The following ABCC4 variants were observed in gnomAD, a reference collection of about 807,000 sequenced individuals.
ABCC4 encodes the protein ATP-binding cassette sub-family C member 4.
In ABCC4, 102 loss-of-function variants were observed where a neutral mutation model predicts 168.5. The observed-to-expected ratio is 0.61, with a 90% CI of 0.52 to 0.71. ABCC4 has a LOEUF of 0.71. Among genes scored for constraint, ABCC4 ranks in the 30% least tolerant of loss-of-function variants. The pLI is 0.00. For synonymous variants in ABCC4, 617 were observed against 590.7 expected (o/e 1.04, Z -0.65); for missense variants, 1,402 against 1,605.8 (o/e 0.87, Z 2.17).
At chr13:95,281,716 A>G (rs1311848209) in intron 1 of ABCC4, among the ~76,000 whole-genome samples, 2 of 152,184 alleles carry the variant, frequency 1.3e-5, no homozygotes, top group Non-Finnish European at 2.9e-5. Context: ...CCTACAAAGC[A>G]GCTCTGGAAA....
chr13:95,249,703 C>CCTT (rs1475809920), intron 1 of ABCC4, among the ~76,000 whole-genome samples: 2 of 152,134 alleles, frequency 1.3e-5, no homozygotes, highest in Non-Finnish European at 2.9e-5. Flanking sequence ...CCGAGACCTC[C>CCTT]CTTCCAGCAG....
At chr13:95,089,475 A>C (rs556340123) in intron 20 of ABCC4, among the ~76,000 whole-genome samples, 19 of 152,172 alleles carry the variant, frequency 1.2e-4, no homozygotes, top group African/African-American at 4.1e-4. Flanking sequence ...AAATTTAGCT[A>C]GGCGTGGTCA....
At chr13:95,073,076 G>A in intron 24 of ABCC4, 128 bp downstream of exon 24, 1 of 650,432 alleles carries the variant, frequency 1.5e-6, no homozygotes, top group Non-Finnish European at 2.6e-6. Context: ...GATGGAGGAA[G>A]GATCTTAAAA....
At chr13:95,041,515 T>A (rs529117750) in intron 29 of ABCC4, among the ~76,000 whole-genome samples, 75 of 152,350 alleles carry the variant, frequency 4.9e-4, no homozygotes, top group Non-Finnish European at 8.4e-4. Context: ...GTGTTGGTTA[T>A]GTCCTTCATT....
Position 95,209,511 on chromosome 13 carries a change from C to A in ABCC4, c.708G>T (p.Ser236=). Residue 236 remains serine, a synonymous_variant, in exon 6 of 31, where the codon TCG becomes TCT. Transcript: ENST00000645237. ...TALLWMEIGI[S]CLAGMAVLII... ...TTAGAACTGCCATCCCAGCAAGGCACGATATTCCTATCTCCATCCAGAGTA... is the reference window on the plus strand; with the variant it reads ...TTAGAACTGCCATCCCAGCAAGGCAAGATATTCCTATCTCCATCCAGAGTA... 6 of 1,614,204 alleles carry A rather than the reference C, an allele frequency of 3.7e-6. No individual in the cohort carries two copies. Among genetic ancestry groups the A allele is most frequent in the Non-Finnish European group, 5.1e-6 (6 of 1,180,020 alleles).
chr13:95,193,630 C>G lies in ABCC4; in HGVS notation c.1263+1206G>C, dbSNP rs75085333. Among the ~76,000 whole-genome samples, 444 of 152,320 alleles carry G rather than the reference C, an allele frequency of 2.9e-3. 15 individuals are homozygous for G. In the East Asian group the frequency reaches 0.075, roughly 26 times the overall value. The stretch of plus-strand genomic sequence containing the variant: ...TGAGACAAGTGCATTTGCAGAGGAC[C>G]CCGGACTCAGGTGAGCGTAACCGCA... On this transcript the variant is annotated intron_variant, in intron 9 of 30. Coordinates refer to ENST00000645237, the MANE Select transcript of ABCC4 (RefSeq NM_005845.5).
chr13:95,222,337 C>T (rs114579713), intron 4 of ABCC4, among the ~76,000 whole-genome samples: 10,001 of 152,280 alleles, frequency 0.066, 680 homozygotes, highest in African/African-American at 0.17. Flanking sequence ...TGTCTCCAGA[C>T]ACCAAGCATT....
chr13:95,037,086 A>AG (rs1414354051), intron 29 of ABCC4, among the ~76,000 whole-genome samples: 7 of 145,104 alleles, frequency 4.8e-5, no homozygotes, highest in Non-Finnish European at 7.4e-5. Flanking sequence ...TCTGTGTCCA[A>AG]AAAAAAAAAA....
At chr13:95,281,999 C>T (rs1448581724) in intron 1 of ABCC4, among the ~76,000 whole-genome samples, 3 of 152,018 alleles carry the variant, frequency 2.0e-5, no homozygotes, top group Non-Finnish European at 4.4e-5. Context: ...CCCAGCTACT[C>T]GTCAGGCTGA....
At chr13:95,025,247 CCACA>C (rs141043385) in intron 30 of ABCC4, among the ~76,000 whole-genome samples, 35 of 40,438 alleles carry the variant, frequency 8.7e-4, no homozygotes, top group East Asian at 7.6e-3. Flanking sequence ...ACACACACAC[CCACA>C]CACACACACA....
At chr13:95,213,688 C>T (rs2039027432) in intron 4 of ABCC4, among the ~76,000 whole-genome samples, 1 of 152,096 alleles carries the variant, frequency 6.6e-6, no homozygotes, top group Non-Finnish European at 1.5e-5. Context: ...AAAGATCTCA[C>T]CCTAGATTAA....
At chr13:95,299,385 CCTT>C (rs1330571606) in intron 1 of ABCC4, among the ~76,000 whole-genome samples, 5 of 152,172 alleles carry the variant, frequency 3.3e-5, no homozygotes, top group Non-Finnish European at 7.4e-5. Context: ...GTGCCCCTCT[CCTT>C]AAGAGAAAGG....
At chr13:95,087,165 G>A (rs554290514) in intron 20 of ABCC4, among the ~76,000 whole-genome samples, 1 of 152,214 alleles carries the variant, frequency 6.6e-6, no homozygotes, top group South Asian at 2.1e-4. Flanking sequence ...GGTGGCAGAA[G>A]AAATTCTTCT....
At chr13:95,099,741 T>C (rs2139370326) in intron 20 of ABCC4, among the ~76,000 whole-genome samples, 1 of 152,232 alleles carries the variant, frequency 6.6e-6, no homozygotes, top group East Asian at 1.9e-4. Context: ...GGCCCTTTGC[T>C]GCGATGCACA....
intron 26 of ABCC4, chr13:95,055,534 G>A (rs904557771): frequency 5.3e-5 from 8 of 152,072 alleles, no homozygotes; most frequent in Admixed American, 2.6e-4. Context: ...AAATCTTTGC[G>A]CCATACTGAG....
In ABCC4 at chr13:95,163,218, T is replaced by C. The variant is rs1308375018; in HGVS notation, c.2214-2A>G. On this transcript the variant is annotated splice_acceptor_variant, in intron 17 of 30. Coordinates refer to ENST00000645237, the MANE Select transcript of ABCC4 (RefSeq NM_005845.5). LOFTEE classifies it high-confidence loss of function. ...TTTAGCATACTTTGTTTGTTTGCCC[T>C]ATGGAACATGGGGAGAAAAAAATAT... 2 of 1,592,340 alleles carry C rather than the reference T, an allele frequency of 1.3e-6. No homozygotes were observed. Among genetic ancestry groups the C allele is most frequent in the Admixed American group, 1.7e-5 (1 of 58,462 alleles).
At chr13:95,131,885 AT>A (rs2139453980) in intron 19 of ABCC4, among the ~76,000 whole-genome samples, 2 of 152,276 alleles carry the variant, frequency 1.3e-5, no homozygotes, top group East Asian at 1.9e-4. Flanking sequence ...GAAAAAAAAA[AT>A]ATGACAGGTC....
At chr13:95,210,881 C>A in intron 4 of ABCC4, 100 bp from the exon 5 acceptor site, 1 of 809,016 alleles carries the variant, frequency 1.2e-6, no homozygotes, top group South Asian at 1.7e-5. Context: ...GATGTCAAGA[C>A]CAGATCTAAG....
rs1055770107 is a variant in ABCC4, at chr13:95,188,664, C to T, written c.1264-122G>A. The T allele has an allele frequency of 1.3e-5, 10 of 777,722 alleles. No individual in the cohort carries two copies. The African/African-American group carries it at 1.6e-4, about 12-fold the overall frequency. 48.2% of individuals were successfully genotyped at this position (777,722 alleles called of 1,614,324 possible). On this transcript the variant is annotated intron_variant, in intron 9 of 30. Transcript: ENST00000645237. ...AACATAACCCAAATCTTTCTCCTTC[C>T]TATTTTAAGATATTGTATCCTAGAG...
Sources: allele counts gnomAD v4.1 joint callset (sites outside exome capture counted in the v4.1 genomes callset), GRCh38; gene constraint gnomAD v4.1.1; transcripts MANE v1.5; gene names NCBI Gene and HGNC (gene_info 2026-07-23, HGNC 2026-07-21).